The following DBP variants were observed in gnomAD, a reference collection of about 807,000 sequenced individuals.
The protein encoded by DBP is D site-binding protein.
A neutral mutation model predicts 21.4 loss-of-function variants in DBP; 12 were observed. That is an observed-to-expected ratio of 0.56 (90% CI 0.36 to 0.91). The LOEUF (loss-of-function observed/expected upper bound fraction) is 0.91, where lower values mean the gene tolerates loss of function less well. Ranked by LOEUF, DBP falls within the 40% of genes least tolerant of loss-of-function variation. The pLI is 0.01. For synonymous variants in DBP, 213 were observed against 224.9 expected, an observed-to-expected ratio of 0.95 and a Z score of 0.47; for missense variants, 423 against 473.4, an observed-to-expected ratio of 0.89 and a Z score of 0.99.
At chr19:48,633,384 C>T (rs1568439404) in intron 3 of DBP, 60 bp downstream of exon 3, 1 of 1,546,772 alleles carries the variant, frequency 6.5e-7, no homozygotes, top group East Asian at 2.2e-5. Flanking sequence ...GAAAAGGCCC[C>T]TCCCTGGCTG....
At chr19:48,634,911 G>A (rs1013085277) in intron 2 of DBP, 1 of 985,538 alleles carries the variant, frequency 1.0e-6, no homozygotes, top group Non-Finnish European at 1.2e-6. Flanking sequence ...GGGGAGCATC[G>A]GCCTCCTGGA....
intron 2 of DBP, chr19:48,635,029 C>G (rs386551): frequency 0.29 from 283,318 of 985,744 alleles, 50,041 homozygotes; most frequent in East Asian, 0.76. Context: ...CCAGAAACAA[C>G]ATCCCTAACG....
intron 3 of DBP, 192 bp from the exon 4 acceptor site, chr19:48,631,244 A>T: frequency 3.4e-6 from 2 of 580,682 alleles, no homozygotes; most frequent in East Asian, 2.8e-5. Context: ...CATGAGATAG[A>T]CCCCCCACCC....
At chr19:48,635,512 T>A in intron 2 of DBP, 68 bp downstream of exon 2, 3 of 1,477,628 alleles carry the variant, frequency 2.0e-6, no homozygotes, top group Non-Finnish European at 2.7e-6. Context: ...GCCCCCAGCG[T>A]CGCACAGCCC....
At chr19:48,635,512 T>C (rs924234645) in intron 2 of DBP, 68 bp downstream of exon 2, 20 of 1,477,518 alleles carry the variant, frequency 1.4e-5, no homozygotes, top group Admixed American at 6.2e-5. Context: ...GCCCCCAGCG[T>C]CGCACAGCCC....
Position 48,633,647 on chromosome 19 carries a change from A to G in DBP, c.559T>C (p.Ser187Pro). 1 of 1,613,936 alleles carries G rather than the reference A, an allele frequency of 6.2e-7. No individual in the cohort carries two copies. The highest frequency in any genetic ancestry group is 8.5e-7 in the Non-Finnish European group (1 of 1,179,976). ...TASGHRAGLT[S>P]RDTPSPVDPD... The stretch of plus-strand genomic sequence containing the variant: ...TCCACAGGGCTGGGTGTGTCCCGAG[A>G]GGTCAGGCCTTGGGGAAACAGCACG... Residue 187 changes from serine to proline, a missense_variant, in exon 3 of 4, where the codon TCT (serine) becomes CCT (proline). Coordinates refer to ENST00000222122, the MANE Select transcript of DBP (RefSeq NM_001352.5).
chr19:48,630,404 C>G lies in DBP; in HGVS notation c.*433G>C, dbSNP rs1333261897. On this transcript the variant is annotated 3_prime_UTR_variant, in exon 4 of 4. Transcript: ENST00000222122. This position sits in a 1 kb window ranked among gnomAD's most constrained non-coding sequence, Gnocchi z 4.9. ...ATAAAGGCAGTCGCTTCATTCCTCT[C>G]AGACCTTCTGCCCTTCCTCCATCCG... is the stretch of plus-strand genomic sequence containing the variant. 89 of 1,407,918 alleles carry G rather than the reference C, an allele frequency of 6.3e-5. No homozygotes were observed. Among genetic ancestry groups the G allele is most frequent in the Non-Finnish European group, 7.3e-5 (79 of 1,084,442 alleles). The allele number at this position is 1,407,918 out of a possible 1,614,324, so 87.2% of individuals were successfully genotyped here. A position where few individuals can be genotyped will look rare whatever the true frequency, so the allele number is the denominator to read the frequency against.
At position 48,630,332 on chromosome 19, in the gene DBP, C is replaced by T. The variant is rs937249749; in HGVS notation, c.*505G>A. The T allele has an allele frequency of 3.8e-6, 5 of 1,310,112 alleles. No homozygotes were observed. The African/African-American group carries it at 6.1e-5, about 16-fold the overall frequency. 81.2% of individuals were successfully genotyped at this position (1,310,112 alleles called of 1,614,324 possible). A position where few individuals can be genotyped will look rare whatever the true frequency, so the allele number is the denominator to read the frequency against. On this transcript the variant is annotated 3_prime_UTR_variant, in exon 4 of 4. Coordinates refer to ENST00000222122, the MANE Select transcript of DBP (RefSeq NM_001352.5). This position sits in a 1 kb window ranked among gnomAD's most constrained non-coding sequence, Gnocchi z 4.9. The stretch of plus-strand genomic sequence containing the variant: ...ATTCATATCCCCTGTTCGTCTCATG[C>T]GCGTCCTCCGTCCCCAATCTAAAAA...
In DBP at chr19:48,630,142, G is replaced by C. The variant is rs2030478283; in HGVS notation, c.*695C>G. On this transcript the variant is annotated 3_prime_UTR_variant, in exon 4 of 4. Coordinates refer to ENST00000222122, the MANE Select transcript of DBP (RefSeq NM_001352.5). This position sits in a 1 kb window ranked among gnomAD's most constrained non-coding sequence, Gnocchi z 4.9. Reference sequence around the variant, plus strand: ...CAATGACAGGACCTGGAATGTACTGGCTGGGGTAGGCCTCAGTGAGTCGGC... The same window carrying C: ...CAATGACAGGACCTGGAATGTACTGCCTGGGGTAGGCCTCAGTGAGTCGGC... The C allele has an allele frequency of 1.6e-6, 2 of 1,252,768 alleles. No individual in the cohort carries two copies. Among genetic ancestry groups the C allele is most frequent in the South Asian group, 5.8e-5 (2 of 34,518 alleles). The allele number at this position is 1,252,768 out of a possible 1,614,324, so 77.6% of individuals were successfully genotyped here.
Position 48,630,339 on chromosome 19 carries a change from T to G in DBP, c.*498A>C. On this transcript the variant is annotated 3_prime_UTR_variant, in exon 4 of 4. Coordinates refer to ENST00000222122, the MANE Select transcript of DBP (RefSeq NM_001352.5). This position sits in a 1 kb window ranked among gnomAD's most constrained non-coding sequence, Gnocchi z 4.9. ...TCCCCTGTTCGTCTCATGCGCGTCC[T>G]CCGTCCCCAATCTAAAAAGCAATTG... 1 of 1,311,154 alleles carries G rather than the reference T, an allele frequency of 7.6e-7. No homozygotes were observed. Among genetic ancestry groups the G allele is most frequent in the Non-Finnish European group, 9.7e-7 (1 of 1,030,932 alleles). The allele number at this position is 1,311,154 out of a possible 1,614,324, so 81.2% of individuals were successfully genotyped here. A position where few individuals can be genotyped will look rare whatever the true frequency, so the allele number is the denominator to read the frequency against.
Position 48,635,459 on chromosome 19 carries a change from CTG to C in DBP, c.550+119_550+120del, listed in dbSNP as rs528852167. 313 of 1,478,258 alleles carry C rather than the reference CTG, an allele frequency of 2.1e-4. 1 individual carries two copies. The South Asian group carries it at 3.6e-3, about 17-fold the overall frequency. The allele number at this position is 1,478,258 out of a possible 1,614,324, so 91.6% of individuals were successfully genotyped here. On this transcript the variant is annotated intron_variant, in intron 2 of 3. Transcript: ENST00000222122. ...CCCCTCCCACGACACCTCTCGACAA[CTG>C]GACACAGAATTCGAGGCCGCAGCCA...
chr19:48,637,138 C>T lies in DBP; in HGVS notation c.-144G>A. 1 of 711,644 alleles carries T rather than the reference C, an allele frequency of 1.4e-6. No homozygotes were observed. The highest frequency in any genetic ancestry group is 2.2e-6 in the Non-Finnish European group (1 of 463,206). The allele number at this position is 711,644 out of a possible 1,614,324, so 44.1% of individuals were successfully genotyped here. On this transcript the variant is annotated 5_prime_UTR_variant, in exon 1 of 4. Transcript: ENST00000222122. Reference sequence around the variant, plus strand: ...CTGCAACCCTCCAGTATCCAGAACGCTGCAAATCCTAGGAGCGACGGGGAT... The same window carrying T: ...CTGCAACCCTCCAGTATCCAGAACGTTGCAAATCCTAGGAGCGACGGGGAT...
intron 2 of DBP, chr19:48,635,141 T>C: frequency 9.9e-7 from 1 of 1,005,474 alleles, no homozygotes; most frequent in Non-Finnish European, 1.2e-6. Context: ...GTAAACAGAA[T>C]TCTGTGCCTC....
intron 1 of DBP, among the ~76,000 whole-genome samples, chr19:48,636,265 GAGAA>G (rs2030793358): frequency 6.6e-6 from 1 of 152,152 alleles, no homozygotes. Flanking sequence ...CAGCGAACCA[GAGAA>G]AGAGAGACGG....
intron 2 of DBP, chr19:48,634,629 C>CCCCCGG (rs1233175859): frequency 1.8e-5 from 16 of 910,330 alleles, no homozygotes; most frequent in Non-Finnish European, 1.9e-5. Flanking sequence ...CCCTCACGTT[C>CCCCCGG]CCCCGGCCCC....
chr19:48,634,927 C>T, intron 2 of DBP: 1 of 985,756 alleles, frequency 1.0e-6, no homozygotes, highest in East Asian at 1.1e-4. Flanking sequence ...CTGGACCTTC[C>T]CAGAACCCCC....
rs540846669 is a variant in DBP, at chr19:48,637,111, G to C, written c.-117C>G. The C allele has an allele frequency of 1.1e-6, 1 of 943,546 alleles. No homozygotes were observed. Among genetic ancestry groups the C allele is most frequent in the Admixed American group, 3.2e-5 (1 of 30,940 alleles). The allele number at this position is 943,546 out of a possible 1,614,324, so 58.4% of individuals were successfully genotyped here. A position where few individuals can be genotyped will look rare whatever the true frequency, so the allele number is the denominator to read the frequency against. ...GTCTGCCCAGGGGCGGGCGAGTGTA[G>C]CCTGCAACCCTCCAGTATCCAGAAC... On this transcript the variant is annotated 5_prime_UTR_variant, in exon 1 of 4. Transcript: ENST00000222122.
chr19:48,636,130 A>G, intron 1 of DBP, 140 bp from the exon 2 acceptor site: 3 of 793,984 alleles, frequency 3.8e-6, no homozygotes, highest in South Asian at 2.1e-5. Flanking sequence ...GACGGGAGAA[A>G]AAGGGACGGA....
chr19:48,634,726 G>A (rs2030720997), intron 2 of DBP: 2 of 985,442 alleles, frequency 2.0e-6, no homozygotes, highest in African/African-American at 1.7e-5. Context: ...CGCTGGGAAG[G>A]GTAGGGCCCT....
Sources: allele counts gnomAD v4.1 joint callset (sites outside exome capture counted in the v4.1 genomes callset), GRCh38; gene constraint gnomAD v4.1.1; non-coding constraint Gnocchi (gnomAD v3.1); transcripts MANE v1.5; gene names NCBI Gene and HGNC (gene_info 2026-07-23, HGNC 2026-07-21).